Variants in FAM229B observed in about 807,000 individuals in gnomAD.
FAM229B encodes the protein protein FAM229B.
A neutral mutation model predicts 6.7 loss-of-function variants in FAM229B; 2 were observed. The ratio of observed to expected loss-of-function variants is 0.30; its 90% CI spans 0.12 to 0.94. FAM229B has a LOEUF of 0.94. FAM229B is among the 40% of genes least tolerant of loss of function. The pLI, the probability that FAM229B is intolerant of heterozygous loss-of-function variation, is 0.54. For missense variants in FAM229B, 93 were observed against 96.2 expected, an observed-to-expected ratio of 0.97 and a Z score of 0.14; for synonymous variants, 29 against 34.0, an observed-to-expected ratio of 0.85 and a Z score of 0.51.
chr6:112,095,091 G>A (rs1405253425), intron 1 of FAM229B, among the ~76,000 whole-genome samples: 1 of 152,120 alleles, frequency 6.6e-6, no homozygotes, highest in Admixed American at 6.5e-5. Context: ...CCCACTTACA[G>A]ATATTTTACT....
intron 3 of FAM229B, 29 bp from the exon 4 acceptor site, chr6:112,100,641 A>G: frequency 6.8e-7 from 1 of 1,461,138 alleles, no homozygotes; most frequent in Non-Finnish European, 9.6e-7. Context: ...TTTAGTATCT[A>G]ACTACATGTC....
intron 2 of FAM229B, among the ~76,000 whole-genome samples, chr6:112,098,007 G>A (rs587738263): frequency 2.5e-4 from 38 of 152,284 alleles, no homozygotes; most frequent in Non-Finnish European, 5.0e-4. Context: ...TTTTGGGAGA[G>A]GGGTACTCTT....
At chr6:112,096,840 A>G (rs1330791220) in intron 1 of FAM229B, among the ~76,000 whole-genome samples, 1 of 152,184 alleles carries the variant, frequency 6.6e-6, no homozygotes, top group Non-Finnish European at 1.5e-5. Context: ...AAAACAGGAT[A>G]TAAAATGAGA....
intron 1 of FAM229B, among the ~76,000 whole-genome samples, 199 bp from the exon 2 acceptor site, chr6:112,096,842 A>G (rs1300295953): frequency 2.6e-5 from 4 of 152,180 alleles, no homozygotes; most frequent in African/African-American, 9.7e-5. Flanking sequence ...AACAGGATAT[A>G]AAATGAGAAG....
At chr6:112,092,250 A>G (rs1241977366) in intron 1 of FAM229B, among the ~76,000 whole-genome samples, 1 of 152,104 alleles carries the variant, frequency 6.6e-6, no homozygotes, top group African/African-American at 2.4e-5. Context: ...AAACTATGCC[A>G]AGTACATTGT....
At chr6:112,098,059 T>A (rs1554318854) in intron 2 of FAM229B, among the ~76,000 whole-genome samples, 11 of 152,178 alleles carry the variant, frequency 7.2e-5, no homozygotes. Flanking sequence ...CGAAACATCC[T>A]ACAGTGCACA....
intron 1 of FAM229B, 112 bp downstream of exon 1, chr6:112,087,832 C>T (rs1229604679): frequency 9.3e-6 from 2 of 214,420 alleles, no homozygotes; most frequent in Non-Finnish European, 1.8e-5. Context: ...TGGATCAGTC[C>T]GTTTATTCAG....
chr6:112,096,427 G>C (rs902126326), intron 1 of FAM229B, among the ~76,000 whole-genome samples: 2 of 151,876 alleles, frequency 1.3e-5, no homozygotes, highest in African/African-American at 2.4e-5. Flanking sequence ...GTGGTGGCGG[G>C]TGCCTGTAGT....
chr6:112,101,419 C>T lies in FAM229B; in HGVS notation c.*632C>T, dbSNP rs782227164. The T allele has an allele frequency of 1.8e-4, 28 of 152,276 alleles. No homozygotes were observed. Among genetic ancestry groups the T allele is most frequent in the African/African-American group, 5.8e-4 (24 of 41,558 alleles). The allele number at this position is 152,276 out of a possible 1,614,324, so 9.4% of individuals were successfully genotyped here. ...GAAGTCAAAGCTGTGGTTCCAACCC[C>T]GATTTTTCCAAGAAAAATGACGTCT... On this transcript the variant is annotated 3_prime_UTR_variant, in exon 4 of 4. Transcript: ENST00000368656.
intron 1 of FAM229B, among the ~76,000 whole-genome samples, chr6:112,095,662 C>CAAAAAAAAAAAAAAAAAAAAAAAAAA (rs376039549): frequency 1.3e-5 from 1 of 77,906 alleles, no homozygotes; most frequent in Non-Finnish European, 2.7e-5. Flanking sequence ...AAAAAAAAAC[C>CAAAAAAAAAAAAAAAAAAAAAAAAAA]AAAAAAAAAA....
rs187692223 is a variant in FAM229B at position 112,087,671 on chromosome 6, T to A, written c.-225T>A. ...TCTGGACTGTATATCCTAGCTGCCT[T>A]GTCAACATCTTCGAGCATCGGCAGC... is the stretch of plus-strand genomic sequence containing the variant. On this transcript the variant is annotated 5_prime_UTR_variant, in exon 1 of 4. Transcript: ENST00000368656. 4.1e-4 allele frequency: 200 copies of A among 485,522 alleles called. No homozygotes were observed. The highest frequency in any genetic ancestry group is 3.0e-4 in the Non-Finnish European group (81 of 274,026). The allele number at this position is 485,522 out of a possible 1,614,324, so 30.1% of individuals were successfully genotyped here.
rs1554318968 is a variant in FAM229B, at chr6:112,099,267, T to C, written c.-14-3T>C. On this transcript the variant is annotated splice_region_variant and splice_polypyrimidine_tract_variant and intron_variant, in intron 2 of 3. Coordinates refer to ENST00000368656, the MANE Select transcript of FAM229B (RefSeq NM_001033564.3). ...TTTTCAATATTTTAACTTTCCGATC[T>C]AGGTTTTCAGTGAAGTATGCCTTTT... The C allele has an allele frequency of 6.2e-7, 1 of 1,606,066 alleles. No homozygotes were observed. The highest frequency in any genetic ancestry group is 1.7e-5 in the Admixed American group (1 of 58,064).
In FAM229B at chr6:112,087,637, GA is replaced by G. The variant is rs1304863300; in HGVS notation, c.-258del. ...ACTTGCGTGTCACCGTTACCGTAGCGACTGGGCTTCTGGACTGTATATCCTA... is the reference window on the plus strand; with the variant it reads ...ACTTGCGTGTCACCGTTACCGTAGCGCTGGGCTTCTGGACTGTATATCCTA... On this transcript the variant is annotated 5_prime_UTR_variant, in exon 1 of 4. Coordinates refer to ENST00000368656, the MANE Select transcript of FAM229B (RefSeq NM_001033564.3). The G allele has an allele frequency of 1.6e-6, 1 of 606,478 alleles. No homozygotes were observed. The allele number at this position is 606,478 out of a possible 1,614,324, so 37.6% of individuals were successfully genotyped here. A position where few individuals can be genotyped will look rare whatever the true frequency, so the allele number is the denominator to read the frequency against.
At chr6:112,091,613 A>G (rs1335380883) in intron 1 of FAM229B, among the ~76,000 whole-genome samples, 2 of 152,162 alleles carry the variant, frequency 1.3e-5, no homozygotes, top group Non-Finnish European at 2.9e-5. Flanking sequence ...GCTGTGTCCC[A>G]GAACAAAACT....
intron 1 of FAM229B, among the ~76,000 whole-genome samples, chr6:112,096,142 A>T (rs974678937): frequency 2.6e-5 from 4 of 152,210 alleles, no homozygotes; most frequent in Admixed American, 1.3e-4. Flanking sequence ...GGAGAAGTTC[A>T]TGAGGTGGGC....
intron 1 of FAM229B, 92 bp downstream of exon 1, chr6:112,087,812 C>T (rs1777196964): frequency 4.2e-6 from 1 of 240,500 alleles, no homozygotes. Flanking sequence ...AGCCTCAACA[C>T]CCGGGGCGGT....
In FAM229B at chr6:112,088,780, T is replaced by G. The variant is rs782616877; in HGVS notation, c.-176+1060T>G. Among the ~76,000 whole-genome samples the G allele has an allele frequency of 3.9e-5, 6 of 152,294 alleles. No homozygotes were observed. The East Asian group carries it at 9.6e-4, about 24-fold the overall frequency. On this transcript the variant is annotated intron_variant, in intron 1 of 3. Coordinates refer to ENST00000368656, the MANE Select transcript of FAM229B (RefSeq NM_001033564.3). ...TCCCAACGTCTGGGGCTTCCAAAAT[T>G]TGCAAGTCTTGGTCCAGTTTGTAGG...
At chr6:112,096,675 A>T (rs1265333605) in intron 1 of FAM229B, among the ~76,000 whole-genome samples, 5 of 152,210 alleles carry the variant, frequency 3.3e-5, no homozygotes, top group Admixed American at 1.3e-4. Context: ...TCCAGGCATT[A>T]GAGAGAGGGT....
chr6:112,100,527 C>T, intron 3 of FAM229B, 143 bp from the exon 4 acceptor site: 2 of 585,774 alleles, frequency 3.4e-6, no homozygotes, highest in Non-Finnish European at 6.0e-6. Context: ...TCGTCAGCAT[C>T]ACCATGTTGT....
Sources: allele counts gnomAD v4.1 joint callset (sites outside exome capture counted in the v4.1 genomes callset), GRCh38; gene constraint gnomAD v4.1.1; transcripts MANE v1.5; gene names NCBI Gene and HGNC (gene_info 2026-07-23, HGNC 2026-07-21).